CLPB: variants seen among roughly 807,000 people sequenced by gnomAD.
CLPB encodes mitochondrial disaggregase.
In CLPB, 40 loss-of-function variants were observed where a neutral mutation model predicts 78.4. That is an observed-to-expected ratio of 0.51 (90% CI 0.40 to 0.66). The LOEUF (loss-of-function observed/expected upper bound fraction) is 0.66, where lower values mean the gene tolerates loss of function less well. Ranked by LOEUF, CLPB falls within the 30% of genes least tolerant of loss-of-function variation. CLPB has a pLI of 0.00. For synonymous variants in CLPB, 333 were observed against 348.0 expected, an observed-to-expected ratio of 0.96 and a Z score of 0.48; for missense variants, 780 against 886.9, an observed-to-expected ratio of 0.88 and a Z score of 1.53.
intron 11 of CLPB, among the ~76,000 whole-genome samples, chr11:72,298,850 C>T (rs1405132753): frequency 6.6e-6 from 1 of 152,196 alleles, no homozygotes; most frequent in African/African-American, 2.4e-5. Context: ...CCTGATAGGT[C>T]CCAAGGCTCT....
intron 2 of CLPB, among the ~76,000 whole-genome samples, chr11:72,425,069 C>T (rs1204187181): frequency 1.3e-5 from 2 of 152,168 alleles, no homozygotes; most frequent in African/African-American, 4.8e-5. Flanking sequence ...GACTGAGATT[C>T]TGTCTCAAAA....
chr11:72,295,945 C>A (rs1949544291), intron 11 of CLPB, among the ~76,000 whole-genome samples: 1 of 152,208 alleles, frequency 6.6e-6, no homozygotes, highest in Non-Finnish European at 1.5e-5. Flanking sequence ...AGAAGTCAGT[C>A]ACAGTTAGCC....
chr11:72,408,166 GCTT>G, intron 2 of CLPB: 1 of 1,535,582 alleles, frequency 6.5e-7, no homozygotes, highest in Non-Finnish European at 8.7e-7. Context: ...GCCCTGCCCA[GCTT>G]CTTGACTGAG....
At chr11:72,310,807 CCTTTT>C (rs1949832085) in intron 7 of CLPB, 2 of 152,250 alleles carry the variant, frequency 1.3e-5, no homozygotes, top group Admixed American at 6.5e-5. Context: ...TCTGATCCTG[CCTTTT>C]CTTTTAAGGT....
intron 3 of CLPB, among the ~76,000 whole-genome samples, chr11:72,393,041 C>A (rs182696458): frequency 6.6e-6 from 1 of 152,102 alleles, no homozygotes; most frequent in African/African-American, 2.4e-5. Flanking sequence ...AGTGGTGAAC[C>A]CAGACAGAGG....
At chr11:72,296,826 T>C (rs1949559755) in intron 11 of CLPB, among the ~76,000 whole-genome samples, 1 of 152,126 alleles carries the variant, frequency 6.6e-6, no homozygotes, top group Non-Finnish European at 1.5e-5. Flanking sequence ...AATCTTCACA[T>C]CCACCCTTGG....
At chr11:72,293,641 A>G in intron 15 of CLPB, 26 bp from the exon 16 acceptor site, 1 of 1,597,312 alleles carries the variant, frequency 6.3e-7, no homozygotes, top group African/African-American at 1.3e-5. Context: ...TGAAGTGGTC[A>G]CTCCCTCGGC....
chr11:72,340,081 C>A (rs1950391820), intron 5 of CLPB, among the ~76,000 whole-genome samples: 1 of 152,190 alleles, frequency 6.6e-6, no homozygotes, highest in Admixed American at 6.5e-5. Context: ...GCCAGCAGGG[C>A]TACCCAAGTC....
chr11:72,305,422 T>C (rs977312690), intron 9 of CLPB, among the ~76,000 whole-genome samples: 1 of 152,262 alleles, frequency 6.6e-6, no homozygotes, highest in Non-Finnish European at 1.5e-5. Context: ...GCACTTGCTG[T>C]GTGCTCACCA....
chr11:72,315,730 C>T (rs962428156), intron 7 of CLPB, among the ~76,000 whole-genome samples: 15 of 152,224 alleles, frequency 9.9e-5, no homozygotes, highest in South Asian at 6.2e-4. Flanking sequence ...TCTGGCTGCC[C>T]ATCCTCATGG....
chr11:72,395,936 G>T (rs150598458), intron 3 of CLPB, among the ~76,000 whole-genome samples: 1 of 152,240 alleles, frequency 6.6e-6, no homozygotes, highest in African/African-American at 2.4e-5. Context: ...GAGCTGTTGG[G>T]GTCCACAAAG....
chr11:72,385,835 TA>T (rs565407461), intron 3 of CLPB, among the ~76,000 whole-genome samples: 1 of 152,014 alleles, frequency 6.6e-6, no homozygotes, highest in East Asian at 1.9e-4. Context: ...CAAACAACAA[TA>T]AAAAAACCCA....
chr11:72,342,238 C>T lies in CLPB; in HGVS notation c.776-12434G>A, dbSNP rs552915169. Among the ~76,000 whole-genome samples the T allele has an allele frequency of 7.9e-5, 12 of 152,114 alleles. No individual in the cohort carries two copies. The East Asian group carries it at 1.7e-3, about 22-fold the overall frequency. ...ACATGAAAATGCCTGGTTTGTTCTA[C>T]GGAAAATAGGTAGATCAGTGTGGTT... On this transcript the variant is annotated intron_variant, in intron 5 of 15. Transcript: ENST00000538039.
intron 3 of CLPB, among the ~76,000 whole-genome samples, chr11:72,399,441 C>T (rs959262926): frequency 2.0e-5 from 3 of 152,094 alleles, no homozygotes; most frequent in Non-Finnish European, 4.4e-5. Flanking sequence ...TCACTTCAAA[C>T]TCTTTTTGGA....
chr11:72,369,095 ACT>A (rs1167545979), intron 4 of CLPB, among the ~76,000 whole-genome samples: 1 of 152,134 alleles, frequency 6.6e-6, no homozygotes, highest in Non-Finnish European at 1.5e-5. Flanking sequence ...ATGGCAAGGA[ACT>A]TGAAGAAGAC....
chr11:72,349,472 G>C (rs972895680), intron 5 of CLPB, among the ~76,000 whole-genome samples: 2 of 152,218 alleles, frequency 1.3e-5, no homozygotes, highest in Non-Finnish European at 2.9e-5. Context: ...CTGTATCTTA[G>C]GAAGACAGCA....
rs748366488 is a variant in CLPB at position 72,295,656 on chromosome 11, GGGAA to G, written c.1330-12_1330-9del. 9.9e-6 allele frequency: 16 copies of G among 1,613,654 alleles called. No homozygotes were observed. In the South Asian group the frequency reaches 1.7e-4, roughly 17 times the overall value. On this transcript the variant is annotated splice_polypyrimidine_tract_variant and intron_variant, in intron 11 of 15. Coordinates refer to ENST00000538039, the MANE Select transcript of CLPB (RefSeq NM_001258392.3). ...TCCATCTGTCAGCCGGCCCTGGGAA[GGGAA>G]GGAAGGGAGTGTACAGTCAGGGAGC...
At chr11:72,337,538 GAGAAAGTAGAGGCTC>G (rs1590813050) in intron 5 of CLPB, among the ~76,000 whole-genome samples, 1 of 152,184 alleles carries the variant, frequency 6.6e-6, no homozygotes, top group African/African-American at 2.4e-5. Context: ...CAAAGATTCT[GAGAAAGTAGAGGCTC>G]AGAAAACTAA....
At chr11:72,370,356 G>A (rs1328425151) in intron 4 of CLPB, among the ~76,000 whole-genome samples, 1 of 152,042 alleles carries the variant, frequency 6.6e-6, no homozygotes, top group Non-Finnish European at 1.5e-5. Flanking sequence ...CTAAAAGGAT[G>A]GAAATAATTA....
Sources: gnomAD v4.1 joint callset for allele counts (sites outside exome capture counted in the v4.1 genomes callset) on GRCh38, gnomAD v4.1.1 for gene constraint, MANE v1.5 for transcripts, NCBI Gene and HGNC (gene_info 2026-07-23, HGNC 2026-07-21) for gene names.